The following AEBP2 variants were observed in gnomAD, a reference collection of about 807,000 sequenced individuals.
AEBP2 encodes the protein zinc finger protein AEBP2.
Under a neutral mutation model 50.8 loss-of-function variants are expected in AEBP2, and 10 were observed. The observed-to-expected ratio is 0.20, with a 90% CI of 0.12 to 0.33. The LOEUF is 0.33. AEBP2 is among the 10% of genes least tolerant of loss of function. The pLI is 1.00. For missense variants in AEBP2, 570 were observed against 688.0 expected (o/e 0.83, Z 1.92); for synonymous variants, 296 against 261.3 (o/e 1.13, Z -1.28).
intron 1 of AEBP2, among the ~76,000 whole-genome samples, chr12:19,460,800 G>T (rs563192287): frequency 6.6e-6 from 1 of 151,858 alleles, no homozygotes; most frequent in African/African-American, 2.4e-5. Flanking sequence ...GACTGCAGGC[G>T]CACACTACCA....
Position 19,518,533 on chromosome 12 carries a change from T to C in AEBP2, c.*416T>C, listed in dbSNP as rs1949352746. 3 of 1,286,420 alleles carry C rather than the reference T, an allele frequency of 2.3e-6. No individual in the cohort carries two copies. The highest frequency in any genetic ancestry group is 3.0e-6 in the Non-Finnish European group (3 of 1,008,308). The allele number at this position is 1,286,420 out of a possible 1,614,324, so 79.7% of individuals were successfully genotyped here. A position where few individuals can be genotyped will look rare whatever the true frequency, so the allele number is the denominator to read the frequency against. Reference sequence around the variant, plus strand: ...GTGCCCTTACAAATACCAAAAGCACTGTAAGGATATTTGTCTTGACAGTGT... The same window carrying C: ...GTGCCCTTACAAATACCAAAAGCACCGTAAGGATATTTGTCTTGACAGTGT... On this transcript the variant is annotated 3_prime_UTR_variant, in exon 8 of 8. Coordinates refer to ENST00000266508, the MANE Select transcript of AEBP2 (RefSeq NM_153207.5).
At chr12:19,433,951 ATT>A (rs1452836129) in intron 1 of AEBP2, among the ~76,000 whole-genome samples, 1 of 151,782 alleles carries the variant, frequency 6.6e-6, no homozygotes, top group Non-Finnish European at 1.5e-5. Context: ...GGTTCAAGTG[ATT>A]CCTCTGCCTC....
chr12:19,456,113 T>A, intron 1 of AEBP2: 1 of 531,822 alleles, frequency 1.9e-6, no homozygotes, highest in Admixed American at 3.2e-5. Flanking sequence ...CCTTTCCTTC[T>A]GAAGGTTTTA....
At chr12:19,460,176 T>C (rs1037773221) in intron 1 of AEBP2, among the ~76,000 whole-genome samples, 3 of 152,138 alleles carry the variant, frequency 2.0e-5, no homozygotes, top group Non-Finnish European at 1.5e-5. Context: ...ACCACCGCAC[T>C]ATAGGCTTGG....
intron 1 of AEBP2, among the ~76,000 whole-genome samples, chr12:19,411,174 A>G (rs546137177): frequency 6.6e-6 from 1 of 152,238 alleles, no homozygotes; most frequent in Non-Finnish European, 1.5e-5. Flanking sequence ...AGCTTGGACT[A>G]CAATTTGAGA....
intron 6 of AEBP2, among the ~76,000 whole-genome samples, chr12:19,514,125 G>A (rs1479257723): frequency 1.3e-5 from 2 of 151,836 alleles, no homozygotes; most frequent in Middle Eastern, 3.4e-3. Flanking sequence ...TCGTTCTCCG[G>A]AGTTGATGGG....
At chr12:19,492,526 G>C (rs1253228639) in intron 3 of AEBP2, among the ~76,000 whole-genome samples, 1 of 151,478 alleles carries the variant, frequency 6.6e-6, no homozygotes, top group Non-Finnish European at 1.5e-5. Flanking sequence ...TAAGAGAGAG[G>C]CTAGATCTAA....
In AEBP2 at chr12:19,440,739, C is replaced by A. The variant is rs181550300; in HGVS notation, c.671+369C>A. ...CGTCGGTACTCAAGGTTAGCTTCTT[C>A]CAACCGTGTTCGGGAACACTTGTCA... On this transcript the variant is annotated intron_variant, in intron 1 of 7. Coordinates refer to ENST00000266508, the MANE Select transcript of AEBP2 (RefSeq NM_153207.5). The A allele has an allele frequency of 1.5e-4, 234 of 1,533,542 alleles. 1 individual carries two copies. The highest frequency in any genetic ancestry group is 8.2e-4 in the Admixed American group (42 of 50,994). The allele number at this position is 1,533,542 out of a possible 1,614,324, so 95.0% of individuals were successfully genotyped here.
At chr12:19,492,064 T>C (rs916667778) in intron 3 of AEBP2, among the ~76,000 whole-genome samples, 10 of 152,180 alleles carry the variant, frequency 6.6e-5, no homozygotes, top group Non-Finnish European at 1.5e-4. Context: ...TGCTATTATC[T>C]AGATGAACTT....
intron 2 of AEBP2, among the ~76,000 whole-genome samples, chr12:19,466,492 G>T (rs186657216): frequency 6.6e-6 from 1 of 152,214 alleles, no homozygotes; most frequent in East Asian, 1.9e-4. Flanking sequence ...TAGTTCAGGG[G>T]CTTTAAGTAC....
rs542263470 is a variant in AEBP2 at position 19,418,201 on chromosome 12, C to T, written c.-17+13985C>T. Among the ~76,000 whole-genome samples the T allele has an allele frequency of 4.6e-5, 7 of 151,876 alleles. 1 individual carries two copies. The South Asian group carries it at 1.5e-3, about 32-fold the overall frequency. On this transcript the variant is annotated intron_variant, in intron 1 of 3. Transcript: ENST00000538425. ...ACAACCCCTTATCGTAACTGAGACA[C>T]CCCTTTCTATTGATTACAGGTCTTT...
At chr12:19,482,831 G>T (rs1781997117) in intron 3 of AEBP2, among the ~76,000 whole-genome samples, 1 of 152,130 alleles carries the variant, frequency 6.6e-6, no homozygotes, top group Non-Finnish European at 1.5e-5. Flanking sequence ...GATTTTGGCT[G>T]CCTCTGCTGT....
At chr12:19,413,485 CTTAACAGAACAA>C (rs2153363523) in intron 1 of AEBP2, 1 of 945,892 alleles carries the variant, frequency 1.1e-6, no homozygotes, top group East Asian at 2.4e-5. Flanking sequence ...CAGACTAGAA[CTTAACAGAACAA>C]TTCTAGGACA....
intron 1 of AEBP2, among the ~76,000 whole-genome samples, chr12:19,442,465 A>G (rs1236552073): frequency 6.6e-6 from 1 of 152,222 alleles, no homozygotes; most frequent in East Asian, 1.9e-4. Context: ...TCCATTTACT[A>G]CATCACTTCA....
chr12:19,430,657 C>A (rs769946178), intron 1 of AEBP2, among the ~76,000 whole-genome samples: 1 of 152,036 alleles, frequency 6.6e-6, no homozygotes, highest in Admixed American at 6.6e-5. Flanking sequence ...TTTCATTGAG[C>A]AGTAGTTTGT....
chr12:19,423,705 A>G lies in AEBP2; in HGVS notation c.-17+19489A>G, dbSNP rs542657204. 1.1e-3 allele frequency among the ~76,000 whole-genome samples: 160 copies of G among 152,254 alleles called. 1 individual carries two copies. Among genetic ancestry groups the G allele is most frequent in the African/African-American group, 3.7e-3 (152 of 41,558 alleles). The stretch of plus-strand genomic sequence containing the variant: ...AAATACATGAGAGGGGCCGGGCACC[A>G]TGGCTTACGCCTGTAATCCCAGCTA... On this transcript the variant is annotated intron_variant, in intron 1 of 3. Coordinates refer to the AEBP2 transcript ENST00000538425.
intron 1 of AEBP2, among the ~76,000 whole-genome samples, chr12:19,412,574 G>A (rs1186237146): frequency 1.3e-5 from 2 of 151,432 alleles, no homozygotes; most frequent in Non-Finnish European, 2.9e-5. Context: ...CACTGCACCC[G>A]GCCTCCGAAG....
intron 2 of AEBP2, among the ~76,000 whole-genome samples, chr12:19,471,883 GTTAC>G (rs931574211): frequency 2.7e-4 from 41 of 152,130 alleles, no homozygotes; most frequent in African/African-American, 8.9e-4. Context: ...ATTTTTAAAA[GTTAC>G]TTTTAACTCT....
chr12:19,447,781 C>T (rs773388360), intron 1 of AEBP2, among the ~76,000 whole-genome samples: 15 of 152,074 alleles, frequency 9.9e-5, no homozygotes, highest in South Asian at 2.1e-4. Flanking sequence ...ACTTTATTGC[C>T]GTCAGGAAAT....
Sources: allele counts gnomAD v4.1 joint callset (sites outside exome capture counted in the v4.1 genomes callset), GRCh38; gene constraint gnomAD v4.1.1; transcripts MANE v1.5; gene names NCBI Gene and HGNC (gene_info 2026-07-23, HGNC 2026-07-21).